Variants in SOS2 observed in about 807,000 individuals in gnomAD.
SOS2 encodes the protein son of sevenless homolog 2.
In SOS2, 65 loss-of-function variants were observed where a neutral mutation model predicts 148.2. The ratio of observed to expected loss-of-function variants is 0.44; its 90% CI spans 0.36 to 0.54. The LOEUF is 0.54. Ranked by LOEUF, SOS2 falls within the 20% of genes least tolerant of loss-of-function variation. SOS2 has a pLI of 0.00. For synonymous variants in SOS2, 539 were observed against 537.1 expected, an observed-to-expected ratio of 1.00 and a Z score of -0.05; for missense variants, 1,341 against 1,590.2, an observed-to-expected ratio of 0.84 and a Z score of 2.67.
At position 50,199,834 on chromosome 14, in the gene SOS2, C is replaced by G; in HGVS notation, c.367G>C (p.Asp123His). ...SLKEVLGYKV[D>H]YHVSLYIVAV... The stretch of plus-strand genomic sequence containing the variant: ...ACAATATATAGGGATACATGGTAGT[C>G]CACTTTGTACCCTAATACTTCCTGT... The change falls in exon 4 of 23, where the codon GAC (aspartate) becomes CAC (histidine). Residue 123 changes from aspartate (D) to histidine (H), a missense_variant. Asp to His is a moderately conservative substitution (Grantham distance 81). Around this residue, in one of 4 missense-constraint regions of SOS2, gnomAD observed 574 missense variants for 711.1 expected, o/e 0.81. Transcript: ENST00000216373. 6.3e-7 allele frequency: 1 copy of G among 1,577,706 alleles called. No homozygotes were observed. Among genetic ancestry groups the G allele is most frequent in the East Asian group, 2.3e-5 (1 of 43,994 alleles).
chr14:50,150,139 G>T lies in SOS2; in HGVS notation c.2253C>A (p.Thr751=). The stretch of plus-strand genomic sequence containing the variant: ...CAATTGGTGGAGGTGGACTTTCAAA[G>T]GTAATATTATGGCTTACTCCGTTTG... ...AQANGVSHNI[T]FESPPPPIEW... Residue 751 remains threonine (T), a synonymous_variant, in exon 14 of 23, where the codon ACC becomes ACA. Coordinates refer to ENST00000216373, the MANE Select transcript of SOS2 (RefSeq NM_006939.4). 1 of 1,613,144 alleles carries T rather than the reference G, an allele frequency of 6.2e-7. No individual in the cohort carries two copies. Among genetic ancestry groups the T allele is most frequent in the Non-Finnish European group, 8.5e-7 (1 of 1,179,138 alleles).
At chr14:50,120,107 G>T (rs535098594) in intron 22 of SOS2, among the ~76,000 whole-genome samples, 168 bp downstream of exon 22, 1 of 152,240 alleles carries the variant, frequency 6.6e-6, no homozygotes, top group East Asian at 1.9e-4. Flanking sequence ...TTTAGAAAAG[G>T]TTTTTATAAG....
intron 20 of SOS2, among the ~76,000 whole-genome samples, chr14:50,130,215 T>C (rs1012311807): frequency 2.0e-5 from 3 of 152,180 alleles, no homozygotes; most frequent in African/African-American, 4.8e-5. Context: ...ACAGAACTTA[T>C]CTATTTGTTT....
chr14:50,177,072 T>C (rs116660937), intron 7 of SOS2, among the ~76,000 whole-genome samples: 2,605 of 152,176 alleles, frequency 0.017, 78 homozygotes, highest in African/African-American at 0.06. Flanking sequence ...AATCTTATTT[T>C]TTTAAGTCTG....
At chr14:50,178,649 T>A (rs1380681506) in intron 7 of SOS2, among the ~76,000 whole-genome samples, 28 of 15,886 alleles carry the variant, frequency 1.8e-3, no homozygotes, top group African/African-American at 4.9e-3. Context: ...TGCCCGCTAG[T>A]GTGTGTGTGT....
rs570241983 is a variant in SOS2, at chr14:50,150,614, T to C, written c.2162-384A>G. ...TCTTGCTCTGTGGCCCAGGTTGGAGTGCAGTGGCGCAATCTCAACTTATTG... is the reference window on the plus strand; with the variant it reads ...TCTTGCTCTGTGGCCCAGGTTGGAGCGCAGTGGCGCAATCTCAACTTATTG... On this transcript the variant is annotated intron_variant, in intron 13 of 22. Transcript: ENST00000216373. Among the ~76,000 whole-genome samples, 142 of 151,168 alleles carry C rather than the reference T, an allele frequency of 9.4e-4. 1 individual carries two copies. The South Asian group carries it at 0.029, about 31-fold the overall frequency.
At chr14:50,188,073 G>C (rs1254092768) in intron 5 of SOS2, among the ~76,000 whole-genome samples, 1 of 152,142 alleles carries the variant, frequency 6.6e-6, no homozygotes, top group Non-Finnish European at 1.5e-5. Flanking sequence ...ACAAATACAT[G>C]AAAGTATTTT....
At chr14:50,178,408 T>A (rs1594996972) in intron 7 of SOS2, among the ~76,000 whole-genome samples, 1 of 152,144 alleles carries the variant, frequency 6.6e-6, no homozygotes, top group Non-Finnish European at 1.5e-5. Flanking sequence ...GTAGAGCCTG[T>A]GGAACTCTGA....
At chr14:50,129,079 TTTGAG>T (rs1883781116) in intron 21 of SOS2, among the ~76,000 whole-genome samples, 1 of 152,230 alleles carries the variant, frequency 6.6e-6, no homozygotes, top group Admixed American at 6.5e-5. Flanking sequence ...TGTGTTCATT[TTTGAG>T]TTATTTTGTT....
chr14:50,180,012 A>T (rs1008929120), intron 7 of SOS2, among the ~76,000 whole-genome samples: 3 of 148,948 alleles, frequency 2.0e-5, no homozygotes, highest in Admixed American at 6.7e-5. Context: ...TTATTTTTCT[A>T]TTTATTTTTT....
At chr14:50,222,192 T>C (rs1887222511) in intron 1 of SOS2, among the ~76,000 whole-genome samples, 1 of 152,216 alleles carries the variant, frequency 6.6e-6, no homozygotes, top group Non-Finnish European at 1.5e-5. Flanking sequence ...TCAGTATTTA[T>C]AACACATATG....
At chr14:50,132,772 T>C (rs1446231108) in intron 19 of SOS2, among the ~76,000 whole-genome samples, 1 of 152,164 alleles carries the variant, frequency 6.6e-6, no homozygotes, top group African/African-American at 2.4e-5. Flanking sequence ...AACATCTGCT[T>C]ACTATGGGAC....
rs1229932733 is a variant in SOS2 at position 50,157,029 on chromosome 14, C to T, written c.2027G>A (p.Arg676His). Reference protein sequence around the residue: ...QPISADLKRFRKEYVQPVQLR... With the variant: ...QPISADLKRFHKEYVQPVQLR... ...TTGTACTGGTTGGACATATTCCTTG[C>T]GAAATCTTTTAAGGTCTGCACTGAT... Residue 676 changes from arginine (R) to histidine (H), a missense_variant, in exon 12 of 23, where the codon CGC becomes CAC. By Grantham distance (29) the Arg-to-His change is conservative (BLOSUM62 0). This residue lies in a region of SOS2 where 408 missense variants were observed against 506.6 expected (regional missense o/e 0.81). Coordinates refer to ENST00000216373, the MANE Select transcript of SOS2 (RefSeq NM_006939.4). The T allele has an allele frequency of 1.9e-6, 3 of 1,608,298 alleles. No individual in the cohort carries two copies. Among genetic ancestry groups the T allele is most frequent in the African/African-American group, 1.3e-5 (1 of 74,864 alleles).
At chr14:50,147,396 T>C (rs1051520316) in intron 14 of SOS2, among the ~76,000 whole-genome samples, 4 of 151,418 alleles carry the variant, frequency 2.6e-5, no homozygotes, top group East Asian at 2.0e-4. Flanking sequence ...CCTGTAGTTC[T>C]AGCTACTCGA....
intron 1 of SOS2, among the ~76,000 whole-genome samples, chr14:50,217,345 TA>T (rs1433567288): frequency 2.0e-5 from 3 of 152,088 alleles, no homozygotes; most frequent in African/African-American, 7.2e-5. Context: ...GAGATTTTTT[TA>T]AAAAAGAAAA....
intron 4 of SOS2, among the ~76,000 whole-genome samples, chr14:50,196,032 A>C (rs1387479086): frequency 6.6e-6 from 1 of 152,212 alleles, no homozygotes; most frequent in East Asian, 1.9e-4. Context: ...GTCTCAAAAA[A>C]GAAAAAAAAC....
At position 50,120,428 on chromosome 14, in the gene SOS2, G is replaced by A. The variant is rs370284988; in HGVS notation, c.3380-44C>T. The A allele has an allele frequency of 9.6e-5, 86 of 899,760 alleles. No individual in the cohort carries two copies. The African/African-American group carries it at 1.4e-3, about 14-fold the overall frequency. The allele number at this position is 899,760 out of a possible 1,614,324, so 55.7% of individuals were successfully genotyped here. Reference sequence around the variant, plus strand: ...AGTTTAACCACAATTCACAGTATAAGATAAACCTTTATCACAATTTGTGAT... The same window carrying A: ...AGTTTAACCACAATTCACAGTATAAAATAAACCTTTATCACAATTTGTGAT... On this transcript the variant is annotated intron_variant, in intron 21 of 22. Transcript: ENST00000216373.
In SOS2 at chr14:50,153,804, C is replaced by T. The variant is rs28595124; in HGVS notation, c.2058-631G>A. On this transcript the variant is annotated intron_variant, in intron 12 of 22. Transcript: ENST00000216373. ...ATTTTTGTACTTTTAGTAGAGACGA[C>T]GTTTTACCATGTTGGCCAGGCTGGT... Among the ~76,000 whole-genome samples the T allele has an allele frequency of 6.9e-3, 1,044 of 152,060 alleles. 17 individuals carry two copies. The highest frequency in any genetic ancestry group is 0.024 in the African/African-American group (1,004 of 41,500).
At chr14:50,224,213 C>G (rs570827019) in intron 1 of SOS2, among the ~76,000 whole-genome samples, 1 of 151,080 alleles carries the variant, frequency 6.6e-6, no homozygotes, top group African/African-American at 2.4e-5. Flanking sequence ...ACTGGTTGAG[C>G]CTGGGAGGCA....
Sources: gnomAD v4.1 joint callset for allele counts (sites outside exome capture counted in the v4.1 genomes callset) on GRCh38, gnomAD v4.1.1 for gene constraint, gnomAD v4.1.1 regional missense constraint, MANE v1.5 for transcripts, NCBI Gene and HGNC (gene_info 2026-07-23, HGNC 2026-07-21) for gene names.